The following PDE4D variants were observed in gnomAD, a reference collection of about 807,000 sequenced individuals.
PDE4D encodes phosphodiesterase 4D, also known as 3',5'-cyclic-AMP phosphodiesterase 4D.
In PDE4D, 24 loss-of-function variants were observed where a neutral mutation model predicts 87.4. That is an observed-to-expected ratio of 0.27 (90% CI 0.20 to 0.39). The LOEUF (loss-of-function observed/expected upper bound fraction) is 0.39. Among genes scored for constraint, PDE4D ranks in the 10% least tolerant of loss-of-function variants. The pLI, the probability that PDE4D is intolerant of heterozygous loss-of-function variation, is 1.00. For synonymous variants in PDE4D, 384 were observed against 383.2 expected (o/e 1.00, Z -0.02); for missense variants, 714 against 1,041.0 (o/e 0.69, Z 4.32).
chr5:60,367,345 G>T (rs992869510), intron 1 of PDE4D, among the ~76,000 whole-genome samples: 3 of 151,730 alleles, frequency 2.0e-5, no homozygotes, highest in Non-Finnish European at 4.4e-5. Flanking sequence ...CTACTCAGGA[G>T]ACTGAGGCAG....
chr5:59,360,045 C>A (rs1312838172), intron 1 of PDE4D, among the ~76,000 whole-genome samples: 1 of 152,220 alleles, frequency 6.6e-6, no homozygotes, highest in Non-Finnish European at 1.5e-5. Context: ...TTGAATATTT[C>A]TGGGATTTTG....
At chr5:59,284,511 G>A (rs1457325710) in intron 1 of PDE4D, among the ~76,000 whole-genome samples, 3 of 151,802 alleles carry the variant, frequency 2.0e-5, no homozygotes, top group Admixed American at 1.3e-4. Context: ...ACCACTATGA[G>A]ATATCATCTC....
intron 5 of PDE4D, among the ~76,000 whole-genome samples, chr5:59,121,949 C>A (rs141903563): frequency 0.015 from 2,307 of 152,092 alleles, 63 homozygotes; most frequent in African/African-American, 0.053. Flanking sequence ...CCAGACCAGC[C>A]TGGCCAATAT....
intron 1 of PDE4D, among the ~76,000 whole-genome samples, chr5:59,480,368 C>T (rs462930): frequency 6.6e-6 from 1 of 152,048 alleles, no homozygotes; most frequent in Non-Finnish European, 1.5e-5. Flanking sequence ...TCAAGAAGAT[C>T]ATATTACAAT....
Position 58,973,788 on chromosome 5 carries a change from T to TAAAGAAAGTAAATAATAAAG in PDE4D, c.*875_*876insCTTTATTATTTACTTTCTTT, listed in dbSNP as rs3839217. 1 of 152,376 alleles carries TAAAGAAAGTAAATAATAAAG rather than the reference T, an allele frequency of 6.6e-6. No homozygotes were observed. Among genetic ancestry groups the TAAAGAAAGTAAATAATAAAG allele is most frequent in the Admixed American group, 6.6e-5 (1 of 15,254 alleles). The allele number at this position is 152,376 out of a possible 1,614,324, so 9.4% of individuals were successfully genotyped here. A position where few individuals can be genotyped will look rare whatever the true frequency, so the allele number is the denominator to read the frequency against. Reference sequence around the variant, plus strand: ...GTGAAACAAAATGCAAAGTAAATAATAAAGACTTACAAAAAGGGTTTCCTG... The same window carrying TAAAGAAAGTAAATAATAAAG: ...GTGAAACAAAATGCAAAGTAAATAATAAAGAAAGTAAATAATAAAGAAAGACTTACAAAAAGGGTTTCCTG... On this transcript the variant is annotated 3_prime_UTR_variant, in exon 15 of 15. Coordinates refer to ENST00000340635, the MANE Select transcript of PDE4D (RefSeq NM_001104631.2).
At chr5:59,050,449 T>C (rs2153403361) in intron 5 of PDE4D, among the ~76,000 whole-genome samples, 1 of 152,340 alleles carries the variant, frequency 6.6e-6, no homozygotes, top group Non-Finnish European at 1.5e-5. Flanking sequence ...CTGGTAAACC[T>C]ACATTTGTTA....
At chr5:59,594,702 ATAGT>A (rs1330868670) in intron 1 of PDE4D, among the ~76,000 whole-genome samples, 1 of 152,128 alleles carries the variant, frequency 6.6e-6, no homozygotes, top group Non-Finnish European at 1.5e-5. Flanking sequence ...ATTACAATGC[ATAGT>A]TAAAGGCAAA....
chr5:60,228,640 G>C (rs1041087370), intron 1 of PDE4D, among the ~76,000 whole-genome samples: 1 of 151,866 alleles, frequency 6.6e-6, no homozygotes, highest in Non-Finnish European at 1.5e-5. Context: ...TGGGTTTAAG[G>C]ATTAAGAAGG....
At chr5:59,766,758 G>T (rs528221099) in intron 1 of PDE4D, among the ~76,000 whole-genome samples, 7 of 152,200 alleles carry the variant, frequency 4.6e-5, no homozygotes, top group Admixed American at 1.3e-4. Context: ...GTTTATTCAT[G>T]CCTTTCTTTT....
chr5:59,149,706 G>GTTTTTTTTTTTT lies in PDE4D; in HGVS notation c.808+30877_808+30888dup, dbSNP rs76421367. On this transcript the variant is annotated intron_variant, in intron 5 of 14. Coordinates refer to ENST00000340635, the MANE Select transcript of PDE4D (RefSeq NM_001104631.2). ...TTTGCCTTTCTCCCTCTCTCCTCGA[G>GTTTTTTTTTTTT]TTTTTTTTTTTTTTTTTTTTTTTTC... Among the ~76,000 whole-genome samples, 6 of 69,276 alleles carry GTTTTTTTTTTTT rather than the reference G, an allele frequency of 8.7e-5. 1 individual carries two copies. Among genetic ancestry groups the GTTTTTTTTTTTT allele is most frequent in the Admixed American group, 2.0e-4 (1 of 5,018 alleles). The allele number at this position is 69,276 out of a possible 152,430, so 45.4% of individuals were successfully genotyped here.
Position 59,922,134 on chromosome 5 carries a change from GC to G in PDE4D, c.272+66353del, listed in dbSNP as rs887583888. On this transcript the variant is annotated intron_variant, in intron 3 of 16. Coordinates refer to the PDE4D transcript ENST00000502484. ...CAACACTGGGCAGAACTCAGCTAGC[GC>G]CAGTGGAGGGAGAATATAGACCAGC... Among the ~76,000 whole-genome samples, 43 of 152,128 alleles carry G rather than the reference GC, an allele frequency of 2.8e-4. 1 individual carries two copies. Among genetic ancestry groups the G allele is most frequent in the Admixed American group, 6.5e-5 (1 of 15,280 alleles).
At chr5:60,108,911 A>C (rs560215321) in intron 2 of PDE4D, among the ~76,000 whole-genome samples, 1 of 152,304 alleles carries the variant, frequency 6.6e-6, no homozygotes, top group East Asian at 1.9e-4. Flanking sequence ...AAAACCCTAG[A>C]AGAAAACCTA....
chr5:60,192,193 AT>A (rs891188113), intron 1 of PDE4D, among the ~76,000 whole-genome samples: 3 of 152,184 alleles, frequency 2.0e-5, no homozygotes, highest in Admixed American at 6.5e-5. Flanking sequence ...ATATCAAAAT[AT>A]GGGGTATATT....
intron 1 of PDE4D, among the ~76,000 whole-genome samples, chr5:60,247,166 C>T (rs2149674454): frequency 6.6e-6 from 1 of 152,044 alleles, no homozygotes; most frequent in Non-Finnish European, 1.5e-5. Context: ...CACAGAACCT[C>T]AATTTTCCAT....
chr5:59,199,514 T>C (rs1746248408), intron 2 of PDE4D, among the ~76,000 whole-genome samples: 1 of 152,178 alleles, frequency 6.6e-6, no homozygotes, highest in African/African-American at 2.4e-5. Flanking sequence ...AAAATTAAAA[T>C]AATATTTTTG....
intron 2 of PDE4D, among the ~76,000 whole-genome samples, chr5:60,058,576 G>A (rs1402973785): frequency 2.6e-5 from 4 of 151,724 alleles, no homozygotes; most frequent in African/African-American, 9.7e-5. Flanking sequence ...TTGTCTCCTG[G>A]GGAAGAGAAG....
intron 1 of PDE4D, among the ~76,000 whole-genome samples, chr5:59,311,569 T>TCCTTACTCTTC (rs1166484488): frequency 6.6e-6 from 1 of 150,950 alleles, no homozygotes; most frequent in African/African-American, 2.4e-5. Context: ...TCTTTCCTCT[T>TCCTTACTCTTC]CCTTACTCTT....
intron 1 of PDE4D, among the ~76,000 whole-genome samples, chr5:59,674,304 C>T (rs972858063): frequency 7.9e-5 from 12 of 152,138 alleles, no homozygotes; most frequent in Non-Finnish European, 1.6e-4. Flanking sequence ...CAGTTTTACC[C>T]TGTGGAAAGT....
intron 5 of PDE4D, among the ~76,000 whole-genome samples, chr5:59,143,118 T>TTCCC: frequency 6.6e-6 from 1 of 152,020 alleles, no homozygotes; most frequent in East Asian, 1.9e-4. Context: ...CCTTCCTTCC[T>TTCCC]TCCTTCCCTT....
Sources: allele counts gnomAD v4.1 joint callset (sites outside exome capture counted in the v4.1 genomes callset), GRCh38; gene constraint gnomAD v4.1.1; transcripts MANE v1.5; gene names NCBI Gene and HGNC (gene_info 2026-07-23, HGNC 2026-07-21).